Variants in OR51M1 observed in about 807,000 individuals in gnomAD.
OR51M1 encodes the protein olfactory receptor 51M1.
For synonymous variants in OR51M1, 199 were observed against 155.1 expected, an observed-to-expected ratio of 1.28 and a Z score of -2.10; for missense variants, 509 against 404.4, an observed-to-expected ratio of 1.26 and a Z score of -2.22.
chr11:5,389,748 A>T lies in OR51M1; in HGVS notation c.350A>T (p.His117Leu). 1.2e-6 allele frequency: 2 copies of T among 1,613,216 alleles called. No individual in the cohort carries two copies. Among genetic ancestry groups the T allele is most frequent in the Non-Finnish European group, 1.7e-6 (2 of 1,179,696 alleles). ...GACQIQMFCI[H>L]SFSFMESSVL... ...TGTCAAATCCAGATGTTCTGCATCC[A>T]CTCTTTTTCCTTCATGGAGTCCTCA... Residue 117 changes from histidine (H) to leucine (L), a missense_variant, in exon 3 of 3, where the codon CAC becomes CTC. Physicochemically the swap from His to Leu is moderately conservative, Grantham distance 99. Coordinates refer to ENST00000642046, the MANE Select transcript of OR51M1 (RefSeq NM_001004756.3).
In OR51M1 at chr11:5,390,583, G is replaced by C; in HGVS notation, c.*204G>C. ...TTTTAATGGCTCCTCCTACAGCTGA[G>C]AACTGGCATTTTTGGTAGCATCAAA... is the stretch of plus-strand genomic sequence containing the variant. On this transcript the variant is annotated 3_prime_UTR_variant, in exon 3 of 3. Transcript: ENST00000642046. 1.9e-6 allele frequency: 1 copy of C among 523,462 alleles called. No homozygotes were observed. The highest frequency in any genetic ancestry group is 3.3e-6 in the Non-Finnish European group (1 of 300,570). 32.4% of individuals were successfully genotyped at this position (523,462 alleles called of 1,614,324 possible).
intron 2 of OR51M1, 40 bp from the exon 3 acceptor site, chr11:5,389,344 G>A: frequency 6.5e-7 from 1 of 1,539,038 alleles, no homozygotes; most frequent in Non-Finnish European, 8.9e-7. Context: ...TGTTAGTGAA[G>A]CTGAAGAATT....
At position 5,391,768 on chromosome 11, in the gene OR51M1, A is replaced by G. The variant is rs1009517; in HGVS notation, c.*1389A>G. ...GAGGCCAGGCACGGTGGCTTATGCT[A>G]TAATCCCAGCACTTTGGGAGACCAA... On this transcript the variant is annotated 3_prime_UTR_variant, in exon 3 of 3. Transcript: ENST00000642046. The G allele has an allele frequency of 0.79, 119,597 of 151,666 alleles. 47,517 individuals carry two copies. The highest frequency in any genetic ancestry group is 0.84 in the Middle Eastern group (246 of 294). The allele number at this position is 151,666 out of a possible 1,614,324, so 9.4% of individuals were successfully genotyped here.
At chr11:5,384,189 T>C (rs2133721847) in intron 1 of OR51M1, among the ~76,000 whole-genome samples, 1 of 152,316 alleles carries the variant, frequency 6.6e-6, no homozygotes, top group East Asian at 1.9e-4. Flanking sequence ...GTTTGTTGTT[T>C]TTAGAAATGA....
intron 2 of OR51M1, 41 bp from the exon 3 acceptor site, chr11:5,389,341 GAA>G: frequency 4.6e-6 from 7 of 1,520,646 alleles, no homozygotes; most frequent in Non-Finnish European, 4.5e-6. Context: ...GAATGTTAGT[GAA>G]GCTGAAGAAT....
At chr11:5,387,131 C>A (rs574758589) in intron 2 of OR51M1, among the ~76,000 whole-genome samples, 8 of 151,998 alleles carry the variant, frequency 5.3e-5, no homozygotes, top group Non-Finnish European at 8.8e-5. Context: ...GGACAGTAAA[C>A]TGAATAACAT....
At chr11:5,385,768 C>G (rs915996471) in intron 2 of OR51M1, among the ~76,000 whole-genome samples, 1 of 147,818 alleles carries the variant, frequency 6.8e-6, no homozygotes, top group Non-Finnish European at 1.5e-5. Flanking sequence ...TATAAATATA[C>G]AGACACATAT....
In OR51M1 at chr11:5,389,489, G is replaced by A; in HGVS notation, c.91G>A (p.Gly31Arg). ...CATATTCTATCTCACCAGCTTTCCT[G>A]GATTGGAAGGCATCAAACACTGGAT... is the stretch of plus-strand genomic sequence containing the variant. ...SPIFYLTSFP[G>R]LEGIKHWIFI... is the part of the protein sequence containing the mutation. The change falls in exon 3 of 3, where the codon GGA becomes AGA. Residue 31 changes from glycine to arginine, a missense_variant. By Grantham distance (125) the Gly-to-Arg change is moderately radical. Coordinates refer to ENST00000642046, the MANE Select transcript of OR51M1 (RefSeq NM_001004756.3). 1 of 1,613,886 alleles carries A rather than the reference G, an allele frequency of 6.2e-7. No homozygotes were observed. The highest frequency in any genetic ancestry group is 8.5e-7 in the Non-Finnish European group (1 of 1,179,846).
Position 5,389,953 on chromosome 11 carries a change from C to T in OR51M1, c.555C>T (p.Val185=). ...LKAFPYCGSV[V]LSHSFCLHQE... ...CTTTTCCCTACTGTGGATCTGTGGT[C>T]CTCTCCCACTCATTTTGCCTGCACC... The change falls in exon 3 of 3, where the codon GTC becomes GTT. Residue 185 remains valine, a synonymous_variant. Transcript: ENST00000642046. 6.2e-7 allele frequency: 1 copy of T among 1,611,428 alleles called. No homozygotes were observed. The highest frequency in any genetic ancestry group is 8.5e-7 in the Non-Finnish European group (1 of 1,179,866).
At chr11:5,387,454 G>T (rs1195930859) in intron 2 of OR51M1, among the ~76,000 whole-genome samples, 3 of 152,088 alleles carry the variant, frequency 2.0e-5, no homozygotes, top group African/African-American at 7.2e-5. Flanking sequence ...GATAAATGTG[G>T]ACTATTTTTT....
Position 5,389,880 on chromosome 11 carries a change from T to C in OR51M1, c.482T>C (p.Ile161Thr). ...GTGGTCAGAGCAGGCCTAATTGTCA[T>C]CTTCCGGGGACCTGTGGCCACTATC... ...QQVVRAGLIV[I>T]FRGPVATIPI... The change falls in exon 3 of 3, where the codon ATC (isoleucine) becomes ACC (threonine). Residue 161 changes from isoleucine (I) to threonine (T), a missense_variant. By Grantham distance (89) the Ile-to-Thr change is moderately conservative. Coordinates refer to ENST00000642046, the MANE Select transcript of OR51M1 (RefSeq NM_001004756.3). 1.2e-6 allele frequency: 2 copies of C among 1,613,230 alleles called. No individual in the cohort carries two copies. The highest frequency in any genetic ancestry group is 1.1e-5 in the South Asian group (1 of 91,088).
chr11:5,385,716 A>AAGTATAAG (rs556144697), intron 2 of OR51M1, among the ~76,000 whole-genome samples: 390 of 148,744 alleles, frequency 2.6e-3, no homozygotes, highest in African/African-American at 9.0e-3. Flanking sequence ...AAGTATATAT[A>AAGTATAAG]TGTGTACAAA....
At chr11:5,387,920 TTGTCTCTGTTC>T (rs929472755) in intron 2 of OR51M1, among the ~76,000 whole-genome samples, 2 of 152,060 alleles carry the variant, frequency 1.3e-5, no homozygotes, top group Admixed American at 6.6e-5. Context: ...GTGTTTATTT[TTGTCTCTGTTC>T]TGTTTCTGTT....
chr11:5,384,841 C>T (rs1849661654), intron 1 of OR51M1, among the ~76,000 whole-genome samples: 1 of 152,200 alleles, frequency 6.6e-6, no homozygotes, highest in Admixed American at 6.5e-5. Context: ...AAATCCTCCT[C>T]TATCCTACTA....
At chr11:5,387,721 T>G (rs1233599554) in intron 2 of OR51M1, among the ~76,000 whole-genome samples, 1 of 73,404 alleles carries the variant, frequency 1.4e-5, no homozygotes, top group African/African-American at 4.5e-5. Context: ...TTGTTCTTCC[T>G]CCTTCCTTGA....
chr11:5,386,968 A>T, intron 2 of OR51M1, among the ~76,000 whole-genome samples: 1 of 152,122 alleles, frequency 6.6e-6, no homozygotes, highest in Non-Finnish European at 1.5e-5. Flanking sequence ...GAGTTTCATC[A>T]GTATCCTTTT....
In OR51M1 at chr11:5,391,389, C is replaced by T. The variant is rs1849793284; in HGVS notation, c.*1010C>T. On this transcript the variant is annotated 3_prime_UTR_variant, in exon 3 of 3. Transcript: ENST00000642046. ...TGTAACATTTGTCACACAGTAATGT[C>T]CTGTTTATGAAGGTGTGTGCATGTG... is the stretch of plus-strand genomic sequence containing the variant. 1 of 152,192 alleles carries T rather than the reference C, an allele frequency of 6.6e-6. No homozygotes were observed. Among genetic ancestry groups the T allele is most frequent in the South Asian group, 2.1e-4 (1 of 4,828 alleles). 9.4% of individuals were successfully genotyped at this position (152,192 alleles called of 1,614,324 possible). A position where few individuals can be genotyped will look rare whatever the true frequency, so the allele number is the denominator to read the frequency against.
In OR51M1 at chr11:5,390,335, C is replaced by T. The variant is rs760638055; in HGVS notation, c.937C>T (p.Arg313Cys). Residue 313 changes from arginine (R) to cysteine (C), a missense_variant, in exon 3 of 3, where the codon CGT (arginine) becomes TGT (cysteine). By Grantham distance (180) the Arg-to-Cys change is radical. Coordinates refer to ENST00000642046, the MANE Select transcript of OR51M1 (RefSeq NM_001004756.3). ...IYSIKTKEIHRAIIKFLGLKK... is the reference protein window; with the variant it reads ...IYSIKTKEIHCAIIKFLGLKK... ...CAGCATTAAGACCAAGGAGATCCAC[C>T]GTGCCATTATCAAGTTCCTAGGTCT... 3.1e-6 allele frequency: 5 copies of T among 1,611,842 alleles called. No homozygotes were observed. The highest frequency in any genetic ancestry group is 1.3e-5 in the African/African-American group (1 of 74,868).
Position 5,388,967 on chromosome 11 carries a change from G to A in OR51M1, c.-15-417G>A, listed in dbSNP as rs530266134. On this transcript the variant is annotated intron_variant, in intron 2 of 2. Coordinates refer to ENST00000642046, the MANE Select transcript of OR51M1 (RefSeq NM_001004756.3). Reference sequence around the variant, plus strand: ...ACTTGAGCCACTGAGATAATGAAAAGTACAGATGTTGCTAGAGTCTGGAAA... The same window carrying A: ...ACTTGAGCCACTGAGATAATGAAAAATACAGATGTTGCTAGAGTCTGGAAA... Among the ~76,000 whole-genome samples, 3 of 152,230 alleles carry A rather than the reference G, an allele frequency of 2.0e-5. No homozygotes were observed. In the South Asian group the frequency reaches 6.2e-4, roughly 32 times the overall value.
Sources: allele counts gnomAD v4.1 joint callset (sites outside exome capture counted in the v4.1 genomes callset), GRCh38; gene constraint gnomAD v4.1.1; transcripts MANE v1.5; gene names NCBI Gene and HGNC (gene_info 2026-07-23, HGNC 2026-07-21).